Variants in KLHL1 observed in about 807,000 individuals in gnomAD.
The protein encoded by KLHL1 is kelch-like protein 1.
A neutral mutation model predicts 77.7 loss-of-function variants in KLHL1; 47 were observed. The ratio of observed to expected loss-of-function variants is 0.60; its 90% CI spans 0.48 to 0.77. The LOEUF (loss-of-function observed/expected upper bound fraction) is 0.77. KLHL1 is among the 30% of genes least tolerant of loss of function. The probability of loss-of-function intolerance (pLI) is 0.00; values close to 1 mark genes in which losing one functional copy is unlikely to be tolerated. For synonymous variants in KLHL1, 360 were observed against 325.2 expected (o/e 1.11, Z -1.15); for missense variants, 925 against 910.8 (o/e 1.02, Z -0.20).
intron 6 of KLHL1, among the ~76,000 whole-genome samples, chr13:69,833,243 C>G (rs1248305273): frequency 6.6e-6 from 1 of 152,048 alleles, no homozygotes; most frequent in Non-Finnish European, 1.5e-5. Flanking sequence ...CTACAAAGAA[C>G]TCAAACATAT....
At chr13:70,089,711 T>C (rs1183047731) in intron 1 of KLHL1, among the ~76,000 whole-genome samples, 2 of 152,146 alleles carry the variant, frequency 1.3e-5, no homozygotes, top group East Asian at 1.9e-4. Flanking sequence ...TTCCAAAACA[T>C]GTATTTTTGG....
intron 5 of KLHL1, among the ~76,000 whole-genome samples, chr13:69,842,221 C>T (rs1226470746): frequency 2.0e-5 from 3 of 151,418 alleles, no homozygotes; most frequent in Non-Finnish European, 4.4e-5. Flanking sequence ...AAAGCTTCTG[C>T]ACAACAAAGG....
chr13:69,933,170 T>G (rs2138285162), intron 4 of KLHL1, among the ~76,000 whole-genome samples: 1 of 152,054 alleles, frequency 6.6e-6, no homozygotes, highest in South Asian at 2.1e-4. Flanking sequence ...TTTTGGTAAT[T>G]TTCAACTCAT....
At chr13:69,940,480 C>T (rs561313713) in intron 3 of KLHL1, among the ~76,000 whole-genome samples, 15 of 151,992 alleles carry the variant, frequency 9.9e-5, no homozygotes, top group African/African-American at 2.7e-4. Context: ...TCTGTATACA[C>T]GTCAGCAGAA....
Position 69,974,738 on chromosome 13 carries a change from T to C in KLHL1, c.680+882A>G, listed in dbSNP as rs374753705. 1.8e-4 allele frequency among the ~76,000 whole-genome samples: 28 copies of C among 152,182 alleles called. No individual in the cohort carries two copies. The South Asian group carries it at 5.8e-3, about 32-fold the overall frequency. ...ATAGCTCTTACGCTGAAGAATATAA[T>C]TGAATTATTAACTAGATGCTATTTA... On this transcript the variant is annotated intron_variant, in intron 2 of 10. Coordinates refer to ENST00000377844, the MANE Select transcript of KLHL1 (RefSeq NM_020866.3).
chr13:70,087,410 G>A (rs1237052117), intron 1 of KLHL1, among the ~76,000 whole-genome samples: 1 of 152,076 alleles, frequency 6.6e-6, no homozygotes, highest in African/African-American at 2.4e-5. Flanking sequence ...ACCAAGAGTA[G>A]TAAAAACGGC....
At chr13:70,084,396 G>T (rs1887468760) in intron 1 of KLHL1, among the ~76,000 whole-genome samples, 1 of 150,972 alleles carries the variant, frequency 6.6e-6, no homozygotes, top group Non-Finnish European at 1.5e-5. Context: ...AAAAGTGAAA[G>T]CATGAAATAT....
intron 8 of KLHL1, among the ~76,000 whole-genome samples, chr13:69,731,594 T>C (rs1232846522): frequency 6.6e-6 from 1 of 152,182 alleles, no homozygotes; most frequent in African/African-American, 2.4e-5. Flanking sequence ...GTGATTATAG[T>C]GTAAAGTTCA....
At chr13:69,724,018 A>G (rs1434964610) in intron 8 of KLHL1, among the ~76,000 whole-genome samples, 1 of 151,830 alleles carries the variant, frequency 6.6e-6, no homozygotes, top group Non-Finnish European at 1.5e-5. Context: ...TTGTATTTTT[A>G]GTAAAAACAG....
rs374390867 is a variant in KLHL1 at position 70,107,398 on chromosome 13, G to T, written c.302C>A (p.Thr101Lys). 3.1e-6 allele frequency: 5 copies of T among 1,613,570 alleles called. No homozygotes were observed. Among genetic ancestry groups the T allele is most frequent in the African/African-American group, 1.3e-5 (1 of 74,476 alleles). Residue 101 changes from threonine to lysine, a missense_variant, in exon 1 of 11, where the codon ACG becomes AAG. By Grantham distance (78) the Thr-to-Lys change is moderately conservative. Transcript: ENST00000377844. ...CCCAGGAGCCCCTTGCTGCAGCCTC[G>T]TGGCAACTGGAAGCAGGGTGCCATT... ...PLNGTLLPVA[T>K]RLQQGAPGQG...
At chr13:69,880,344 C>T (rs1410340801) in intron 5 of KLHL1, among the ~76,000 whole-genome samples, 1 of 151,964 alleles carries the variant, frequency 6.6e-6, no homozygotes, top group Non-Finnish European at 1.5e-5. Flanking sequence ...ATTTTATAAA[C>T]AGAAAATATT....
At chr13:69,763,507 T>A (rs1034342233) in intron 7 of KLHL1, among the ~76,000 whole-genome samples, 2 of 152,306 alleles carry the variant, frequency 1.3e-5, no homozygotes, top group African/African-American at 4.8e-5. Flanking sequence ...ATGTAGAATA[T>A]CAAATGCGCT....
intron 4 of KLHL1, among the ~76,000 whole-genome samples, chr13:69,924,010 G>A (rs949832171): frequency 2.0e-5 from 3 of 152,200 alleles, no homozygotes; most frequent in Non-Finnish European, 4.4e-5. Flanking sequence ...TTGAGGCTAA[G>A]CCCGAGGGCT....
chr13:69,911,905 C>T (rs557679844), intron 4 of KLHL1, among the ~76,000 whole-genome samples: 6 of 152,230 alleles, frequency 3.9e-5, no homozygotes, highest in Non-Finnish European at 8.8e-5. Flanking sequence ...TTACTGCCCA[C>T]ATTATGTAAA....
chr13:69,852,280 T>C (rs1879721713), intron 5 of KLHL1, among the ~76,000 whole-genome samples: 1 of 151,902 alleles, frequency 6.6e-6, no homozygotes, highest in Non-Finnish European at 1.5e-5. Flanking sequence ...AAAAAGCATC[T>C]GGAACTGTAA....
At chr13:69,759,711 C>T (rs1874931346) in intron 7 of KLHL1, among the ~76,000 whole-genome samples, 1 of 152,142 alleles carries the variant, frequency 6.6e-6, no homozygotes, top group Non-Finnish European at 1.5e-5. Context: ...CTTAAATTCG[C>T]ATTTCTACAG....
intron 1 of KLHL1, among the ~76,000 whole-genome samples, chr13:70,083,434 A>G (rs1196358275): frequency 6.6e-6 from 1 of 152,184 alleles, no homozygotes; most frequent in Non-Finnish European, 1.5e-5. Flanking sequence ...CTGAATAGCC[A>G]GGACTGCAAA....
chr13:69,975,397 GT>G (rs1179039954), intron 2 of KLHL1, among the ~76,000 whole-genome samples: 1 of 151,676 alleles, frequency 6.6e-6, no homozygotes, highest in East Asian at 1.9e-4. Context: ...TAATTGTTTT[GT>G]TTTTCAAAAA....
In KLHL1 at chr13:70,108,208, C is replaced by A. The variant is rs1888125640; in HGVS notation, c.-509G>T. ...TCTGGAGAGCGCAGAGAGAAAGAGC[C>A]CCAAGTCTCGAGGAAGCGTACCCCT... is the stretch of plus-strand genomic sequence containing the variant. On this transcript the variant is annotated 5_prime_UTR_variant, in exon 1 of 11. Transcript: ENST00000377844. 2.5e-6 allele frequency: 1 copy of A among 394,876 alleles called. No homozygotes were observed. The highest frequency in any genetic ancestry group is 2.1e-5 in the African/African-American group (1 of 48,488). The allele number at this position is 394,876 out of a possible 1,614,324, so 24.5% of individuals were successfully genotyped here.
Sources: gnomAD v4.1 joint callset for allele counts (sites outside exome capture counted in the v4.1 genomes callset) on GRCh38, gnomAD v4.1.1 for gene constraint, MANE v1.5 for transcripts, NCBI Gene and HGNC (gene_info 2026-07-23, HGNC 2026-07-21) for gene names.